Variants in LEKR1 observed in about 807,000 individuals in gnomAD.
LEKR1 encodes protein LEKR1.
In LEKR1, 59 loss-of-function variants were observed where a neutral mutation model predicts 72.4. The observed-to-expected ratio is 0.82, with a 90% confidence interval of 0.66 to 1.01. The LOEUF (loss-of-function observed/expected upper bound fraction) is 1.01, where lower values mean the gene tolerates loss of function less well. LEKR1 is among the 50% of genes least tolerant of loss of function. The pLI is 0.00. For synonymous variants in LEKR1, 257 were observed against 263.2 expected, an observed-to-expected ratio of 0.98 and a Z score of 0.23; for missense variants, 728 against 759.2, an observed-to-expected ratio of 0.96 and a Z score of 0.48.
At chr3:156,903,365 A>AT (rs1340961884) in intron 3 of LEKR1, among the ~76,000 whole-genome samples, 1 of 151,760 alleles carries the variant, frequency 6.6e-6, no homozygotes, top group Non-Finnish European at 1.5e-5. Context: ...TTAATTCCAT[A>AT]TTTTTTTCAT....
At chr3:157,021,427 T>A (rs971166727) in intron 10 of LEKR1, among the ~76,000 whole-genome samples, 12 of 152,168 alleles carry the variant, frequency 7.9e-5, no homozygotes, top group Non-Finnish European at 1.6e-4. Flanking sequence ...AACATTTAAG[T>A]CTTTAATCCA....
In LEKR1 at chr3:156,961,916, C is replaced by T. The variant is rs530216426; in HGVS notation, c.746-17278C>T. Among the ~76,000 whole-genome samples the T allele has an allele frequency of 2.0e-5, 3 of 152,252 alleles. No individual in the cohort carries two copies. The East Asian group carries it at 5.8e-4, about 29-fold the overall frequency. Reference sequence around the variant, plus strand: ...GTAACTTTCCTGATGTGATAGCAAACCAAATGATTATATTTAGTATACAAG... The same window carrying T: ...GTAACTTTCCTGATGTGATAGCAAATCAAATGATTATATTTAGTATACAAG... On this transcript the variant is annotated intron_variant, in intron 6 of 12. Transcript: ENST00000356539.
chr3:156,890,466 G>T (rs1228221837), intron 3 of LEKR1, among the ~76,000 whole-genome samples: 3 of 152,028 alleles, frequency 2.0e-5, no homozygotes, highest in Non-Finnish European at 4.4e-5. Flanking sequence ...ATTATTATGT[G>T]ATTTACTACT....
rs145859759 is a variant in LEKR1, at chr3:157,043,611, C to T, written c.1669-1729C>T. Among the ~76,000 whole-genome samples, 288 of 152,306 alleles carry T rather than the reference C, an allele frequency of 1.9e-3. 1 individual carries two copies. Among genetic ancestry groups the T allele is most frequent in the African/African-American group, 6.5e-3 (269 of 41,574 alleles). ...GAGTTACTCTCAGCAAGTTACATAA[C>T]AGTGTGAGCTTCAGTGTCTTTATTC... On this transcript the variant is annotated intron_variant, in intron 12 of 12. Coordinates refer to ENST00000356539, the MANE Select transcript of LEKR1 (RefSeq NM_001004316.3).
intron 2 of LEKR1, among the ~76,000 whole-genome samples, chr3:156,850,427 G>A (rs1715213535): frequency 6.6e-6 from 1 of 152,104 alleles, no homozygotes; most frequent in African/African-American, 2.4e-5. Context: ...CAAATGGCAA[G>A]TAGGGAAGCC....
At chr3:156,899,623 CACATATATACACGCAT>C (rs1560064667) in intron 3 of LEKR1, among the ~76,000 whole-genome samples, 10 of 89,810 alleles carry the variant, frequency 1.1e-4, no homozygotes, top group Admixed American at 2.4e-4. Flanking sequence ...CACATATATA[CACATATATACACGCAT>C]ATATACACAT....
intron 9 of LEKR1, among the ~76,000 whole-genome samples, chr3:156,998,878 A>G (rs1731789977): frequency 1.3e-5 from 2 of 151,982 alleles, no homozygotes; most frequent in Admixed American, 6.5e-5. Context: ...CCTCACTGAT[A>G]TGGTTTGGCT....
intron 12 of LEKR1, among the ~76,000 whole-genome samples, chr3:157,041,875 C>A (rs573492269): frequency 5.5e-4 from 84 of 152,330 alleles, no homozygotes; most frequent in Middle Eastern, 6.8e-3. Context: ...GACTAAATTG[C>A]TGAAAACTAA....
At chr3:156,947,127 C>T (rs1161802400) in intron 6 of LEKR1, among the ~76,000 whole-genome samples, 2 of 150,700 alleles carry the variant, frequency 1.3e-5, no homozygotes, top group Non-Finnish European at 3.0e-5. Context: ...TTTATTTTTG[C>T]TCTGATCTTT....
chr3:156,885,351 C>G (rs1394668604), intron 3 of LEKR1, among the ~76,000 whole-genome samples: 1 of 152,156 alleles, frequency 6.6e-6, no homozygotes, highest in Non-Finnish European at 1.5e-5. Flanking sequence ...GGGATGTTAT[C>G]AAATCCTGTT....
intron 3 of LEKR1, among the ~76,000 whole-genome samples, chr3:156,854,613 T>TC (rs1715820843): frequency 6.6e-6 from 1 of 151,522 alleles, no homozygotes; most frequent in Non-Finnish European, 1.5e-5. Context: ...TATACACGGC[T>TC]CACTGTAGCC....
intron 4 of LEKR1, chr3:156,921,062 A>T (rs1279245962): frequency 1.3e-5 from 2 of 155,960 alleles, no homozygotes; most frequent in Non-Finnish European, 2.8e-5. Context: ...CTTCCTAAAT[A>T]ATATTAACAT....
At chr3:157,015,252 G>A (rs540097031) in intron 10 of LEKR1, among the ~76,000 whole-genome samples, 4 of 152,294 alleles carry the variant, frequency 2.6e-5, no homozygotes, top group African/African-American at 9.6e-5. Flanking sequence ...GTTCACAGGA[G>A]AGAGTTGCAC....
intron 3 of LEKR1, among the ~76,000 whole-genome samples, chr3:156,890,450 C>A (rs1351329703): frequency 6.6e-6 from 1 of 152,038 alleles, no homozygotes. Context: ...AAAACCAAGA[C>A]AACAAATTAT....
intron 3 of LEKR1, among the ~76,000 whole-genome samples, chr3:156,911,679 A>G (rs1287925651): frequency 6.6e-6 from 1 of 152,010 alleles, no homozygotes; most frequent in Admixed American, 6.6e-5. Context: ...TAATTTTTGT[A>G]TATGGTGAGA....
chr3:156,870,941 G>A (rs1352432669), intron 3 of LEKR1, among the ~76,000 whole-genome samples: 1 of 151,838 alleles, frequency 6.6e-6, no homozygotes, highest in African/African-American at 2.4e-5. Context: ...TATGTTTTAT[G>A]TCCTTCATTC....
intron 6 of LEKR1, among the ~76,000 whole-genome samples, chr3:156,965,579 T>C (rs1319418): frequency 0.87 from 132,491 of 152,184 alleles, 58,018 homozygotes; most frequent in African/African-American, 0.97. Context: ...ATATCCATAC[T>C]TATTCTAGCA....
chr3:156,915,615 T>G (rs193241991), intron 3 of LEKR1, among the ~76,000 whole-genome samples: 105 of 150,338 alleles, frequency 7.0e-4, no homozygotes, highest in African/African-American at 2.4e-3. Flanking sequence ...TGTTTGTTTG[T>G]TTTTTTTCTT....
intron 12 of LEKR1, among the ~76,000 whole-genome samples, chr3:157,039,448 G>A (rs1735195152): frequency 6.6e-6 from 1 of 152,012 alleles, no homozygotes; most frequent in Non-Finnish European, 1.5e-5. Context: ...GGGAGACCCT[G>A]TTTTTACAGA....
Sources: gnomAD v4.1 joint callset for allele counts (sites outside exome capture counted in the v4.1 genomes callset) on GRCh38, gnomAD v4.1.1 for gene constraint, MANE v1.5 for transcripts, NCBI Gene and HGNC (gene_info 2026-07-23, HGNC 2026-07-21) for gene names.